PI16: variants seen among roughly 807,000 people sequenced by gnomAD.
PI16 encodes the protein PSP94-binding protein.
PI16 carries 35 observed loss-of-function variants against 38.0 expected under a neutral mutation model. That is an observed-to-expected ratio of 0.92 (90% CI 0.70 to 1.22). The LOEUF is 1.22. PI16 is among the 50% of genes most tolerant of loss of function. PI16 has a pLI of 0.00. For missense variants in PI16, 572 were observed against 593.8 expected (o/e 0.96, Z 0.38); for synonymous variants, 275 against 252.9 (o/e 1.09, Z -0.83).
chr6:36,954,728 C>T, upstream of PI16: 1 of 1,594,132 alleles, frequency 6.3e-7, no homozygotes, highest in Non-Finnish European at 8.6e-7. Flanking sequence ...CTGCCAGACC[C>T]CTGGACGGGA....
At position 36,963,847 on chromosome 6, in the gene PI16, G is replaced by T. The variant is rs745574070; in HGVS notation, c.1295G>T (p.Ser432Ile). 1 of 1,611,530 alleles carries T rather than the reference G, an allele frequency of 6.2e-7. No individual in the cohort carries two copies. The highest frequency in any genetic ancestry group is 8.5e-7 in the Non-Finnish European group (1 of 1,178,982). ...LPGAEGPDKPSVVSGLNSGPG... is the reference protein window; with the variant it reads ...LPGAEGPDKPIVVSGLNSGPG... ...GGTGCAGAGGGCCCTGACAAGCCTA[G>T]CGTCGTGTCAGGGCTGAACTCGGGC... Residue 432 changes from serine to isoleucine, a missense_variant, in exon 6 of 7, where the codon AGC becomes ATC. Ser to Ile is a moderately radical substitution (Grantham distance 142). Transcript: ENST00000373674.
chr6:36,960,274 G>C (rs1306334220), intron 2 of PI16, among the ~76,000 whole-genome samples: 1 of 151,544 alleles, frequency 6.6e-6, no homozygotes, highest in African/African-American at 2.4e-5. Flanking sequence ...GTCACACTTT[G>C]CTCCTGTCTG....
At position 36,954,784 on chromosome 6, in the gene PI16, GA is replaced by G. The variant is rs758589274; in HGVS notation, c.25del (p.Met9CysfsTer27). 1.1e-4 allele frequency: 175 copies of G among 1,613,528 alleles called. No individual in the cohort carries two copies. Among genetic ancestry groups the G allele is most frequent in the Non-Finnish European group, 1.4e-4 (163 of 1,179,932 alleles). MHGSCSFL[M>X]LLLPLLLLLV... ...CCATGCACGGCTCCTGCAGTTTCCT[GA>G]TGCTTCTGCTGCCGCTACTGCTACT... On this transcript the variant is annotated frameshift_variant, in exon 1 of 7. Coordinates refer to ENST00000373674, the MANE Select transcript of PI16 (RefSeq NM_153370.3). LOFTEE classifies it high-confidence loss of function.
chr6:36,959,435 C>G (rs1180450896), intron 2 of PI16, 69 bp downstream of exon 2: 11 of 1,438,694 alleles, frequency 7.6e-6, no homozygotes, highest in Non-Finnish European at 1.0e-5. Flanking sequence ...GCTCCCTGGG[C>G]GGGGCCACCT....
intron 2 of PI16, among the ~76,000 whole-genome samples, chr6:36,959,600 C>A (rs1763301411): frequency 6.6e-6 from 1 of 152,232 alleles, no homozygotes; most frequent in African/African-American, 2.4e-5. Context: ...AGGCCAGGCG[C>A]CGTAGCTCAC....
At chr6:36,954,511 C>T, upstream of PI16, 1 of 497,382 alleles carries the variant, frequency 2.0e-6, no homozygotes. Flanking sequence ...CTTAGGAACT[C>T]ACACAGCTTT....
chr6:36,961,488 C>T lies in PI16; in HGVS notation c.431C>T (p.Ser144Phe), dbSNP rs1330714911. The change falls in exon 3 of 7, where the codon TCC becomes TTC. Residue 144 changes from serine to phenylalanine, a missense_variant. By Grantham distance (155) the Ser-to-Phe change is radical. Coordinates refer to ENST00000373674, the MANE Select transcript of PI16 (RefSeq NM_153370.3). Reference protein sequence around the residue: ...WAKTERIGCGSHFCEKLQGVE... With the variant: ...WAKTERIGCGFHFCEKLQGVE... The stretch of plus-strand genomic sequence containing the variant: ...AAGACAGAGAGGATCGGCTGTGGTT[C>T]CCACTTCTGTGAGAAGCTCCAGGGT... 1 of 1,614,192 alleles carries T rather than the reference C, an allele frequency of 6.2e-7. No individual in the cohort carries two copies. The highest frequency in any genetic ancestry group is 8.5e-7 in the Non-Finnish European group (1 of 1,180,036).
intron 2 of PI16, among the ~76,000 whole-genome samples, chr6:36,960,785 G>GCACTCATACCCGTTCCC (rs1264420968): frequency 7.9e-5 from 12 of 152,040 alleles, no homozygotes; most frequent in Non-Finnish European, 1.2e-4. Flanking sequence ...CTGCCCAGAA[G>GCACTCATACCCGTTCCC]GTGCTCAACA....
upstream of PI16, among the ~76,000 whole-genome samples, chr6:36,950,277 A>T (rs572887303): frequency 6.6e-6 from 1 of 152,296 alleles, no homozygotes; most frequent in East Asian, 1.9e-4. This position sits in a 1 kb window ranked among gnomAD's most constrained non-coding sequence, Gnocchi z 4.2. Context: ...TACTGCATAT[A>T]AGTGGGATCA....
Position 36,959,213 on chromosome 6 carries a change from G to A in PI16, c.240G>A (p.Lys80=), listed in dbSNP as rs1583233878. The A allele has an allele frequency of 6.2e-7, 1 of 1,611,130 alleles. No homozygotes were observed. The highest frequency in any genetic ancestry group is 8.5e-7 in the Non-Finnish European group (1 of 1,179,214). ...GGCAGTGCGTGTGGGGCCACAACAAGGAGCGCGGGCGCCGCGGCGAGAATC... is the reference window on the plus strand; with the variant it reads ...GGCAGTGCGTGTGGGGCCACAACAAAGAGCGCGGGCGCCGCGGCGAGAATC... ...YARQCVWGHN[K]ERGRRGENLF... The change falls in exon 2 of 7, where the codon AAG becomes AAA. Residue 80 remains lysine, a synonymous_variant. Transcript: ENST00000373674.
intron 5 of PI16, 82 bp downstream of exon 5, chr6:36,963,694 G>A: frequency 1.9e-6 from 3 of 1,558,074 alleles, no homozygotes; most frequent in South Asian, 1.2e-5. Context: ...GTATGAGCAT[G>A]GTGGGGCATG....
rs566308374 is a variant in PI16, at chr6:36,962,533, C to T, written c.593-402C>T. On this transcript the variant is annotated intron_variant, in intron 4 of 6. Transcript: ENST00000373674. The surrounding 1 kb of genome is among the most constrained non-coding windows in gnomAD (Gnocchi z 4.1). ...TGTTGCCCAGGCTAGAGTGCAATGG[C>T]TCGATCTCGGCTCACCTGCAACCTC... is the stretch of plus-strand genomic sequence containing the variant. Among the ~76,000 whole-genome samples, 1 of 152,054 alleles carries T rather than the reference C, an allele frequency of 6.6e-6. No individual in the cohort carries two copies. The highest frequency in any genetic ancestry group is 1.5e-5 in the Non-Finnish European group (1 of 68,010).
upstream of PI16, chr6:36,954,568 C>T (rs1763154107): frequency 2.6e-6 from 2 of 777,052 alleles, no homozygotes; most frequent in Admixed American, 3.1e-5. Context: ...TTGCCAAGGA[C>T]TCCAAGGGGA....
At chr6:36,960,336 T>C (rs1763326725) in intron 2 of PI16, among the ~76,000 whole-genome samples, 1 of 147,984 alleles carries the variant, frequency 6.8e-6, no homozygotes, top group African/African-American at 2.4e-5. Context: ...TGTGTGTGTG[T>C]GTGTGTGTGT....
chr6:36,963,848 C>A lies in PI16; in HGVS notation c.1296C>A (p.Ser432Arg). The change falls in exon 6 of 7, where the codon AGC becomes AGA. Residue 432 changes from serine to arginine, a missense_variant. By Grantham distance (110) the Ser-to-Arg change is moderately radical. Transcript: ENST00000373674. ...LPGAEGPDKPSVVSGLNSGPG... is the reference protein window; with the variant it reads ...LPGAEGPDKPRVVSGLNSGPG... The stretch of plus-strand genomic sequence containing the variant: ...GTGCAGAGGGCCCTGACAAGCCTAG[C>A]GTCGTGTCAGGGCTGAACTCGGGCC... 2.5e-6 allele frequency: 4 copies of A among 1,611,392 alleles called. No individual in the cohort carries two copies. The highest frequency in any genetic ancestry group is 3.4e-6 in the Non-Finnish European group (4 of 1,178,928).
chr6:36,960,325 A>G (rs1051309028), intron 2 of PI16, among the ~76,000 whole-genome samples: 24 of 140,018 alleles, frequency 1.7e-4, no homozygotes, highest in Non-Finnish European at 3.4e-4. Context: ...TGCAGATAAG[A>G]TGTGTGTGTG....
In PI16 at chr6:36,963,809, C is replaced by T. The variant is rs775816562; in HGVS notation, c.1271-14C>T. 3.8e-5 allele frequency: 59 copies of T among 1,572,006 alleles called. No individual in the cohort carries two copies. The highest frequency in any genetic ancestry group is 5.0e-5 in the Non-Finnish European group (58 of 1,162,226). On this transcript the variant is annotated splice_polypyrimidine_tract_variant and intron_variant, in intron 5 of 6. Transcript: ENST00000373674. ...CTGTCTCTAGGCTGAGGCAAAGCCT[C>T]TTTCTTCCCACAGGTGCAGAGGGCC...
rs760273730 is a variant in PI16, at chr6:36,963,361, A to G, written c.1019A>G (p.Lys340Arg). The stretch of plus-strand genomic sequence containing the variant: ...AGCCCAGAGAACTCTCTGGACCCCA[A>G]GATGTCCCTGACAGGGGCAAGGGAA... ...SRSPENSLDP[K>R]MSLTGARELL... is the part of the protein sequence containing the mutation. The change falls in exon 5 of 7, where the codon AAG (lysine) becomes AGG (arginine). Residue 340 changes from lysine (K) to arginine (R), a missense_variant. Physicochemically the swap from Lys to Arg is conservative, Grantham distance 26. Transcript: ENST00000373674. 2 of 1,614,192 alleles carry G rather than the reference A, an allele frequency of 1.2e-6. No homozygotes were observed. Among genetic ancestry groups the G allele is most frequent in the East Asian group, 2.2e-5 (1 of 44,878 alleles).
chr6:36,959,379 C>T lies in PI16; in HGVS notation c.393+13C>T. The T allele has an allele frequency of 6.5e-7, 1 of 1,541,112 alleles. No homozygotes were observed. Among genetic ancestry groups the T allele is most frequent in the Non-Finnish European group, 8.7e-7 (1 of 1,143,152 alleles). On this transcript the variant is annotated intron_variant, in intron 2 of 6. Coordinates refer to ENST00000373674, the MANE Select transcript of PI16 (RefSeq NM_153370.3). ...CCACTACACGCAGGTGTGGGCCCGG[C>T]GGGCGAGGCGGGGCGGAGCCTCGCG...
Sources: allele counts gnomAD v4.1 joint callset (sites outside exome capture counted in the v4.1 genomes callset), GRCh38; gene constraint gnomAD v4.1.1; non-coding constraint Gnocchi (gnomAD v3.1); transcripts MANE v1.5; gene names NCBI Gene and HGNC (gene_info 2026-07-23, HGNC 2026-07-21).